The following CFAP299 variants were observed in gnomAD, a reference collection of about 807,000 sequenced individuals.
The protein encoded by CFAP299 is cilia- and flagella-associated protein 299.
In CFAP299, 21 loss-of-function variants were observed where a neutral mutation model predicts 27.0. That is an observed-to-expected ratio of 0.78 (90% CI 0.55 to 1.12). The LOEUF (loss-of-function observed/expected upper bound fraction) is 1.12. Among genes scored for constraint, CFAP299 ranks in the 50% most tolerant of loss-of-function variants. CFAP299 has a pLI of 0.00. For missense variants in CFAP299, 310 were observed against 276.6 expected (o/e 1.12, Z -0.86); for synonymous variants, 104 against 98.1 (o/e 1.06, Z -0.36).
intron 2 of CFAP299, among the ~76,000 whole-genome samples, chr4:80,437,983 A>G (rs1578442412): frequency 6.6e-6 from 1 of 152,110 alleles, no homozygotes; most frequent in Non-Finnish European, 1.5e-5. Flanking sequence ...AGCATTTAGT[A>G]TGTCTTAGGC....
At chr4:80,908,458 A>T (rs1578230548) in intron 4 of CFAP299, among the ~76,000 whole-genome samples, 1 of 152,218 alleles carries the variant, frequency 6.6e-6, no homozygotes, top group East Asian at 1.9e-4. Flanking sequence ...TGACATTCCT[A>T]CCTCCTTAAG....
intron 2 of CFAP299, among the ~76,000 whole-genome samples, chr4:80,429,731 C>T (rs1727714103): frequency 6.6e-6 from 1 of 151,994 alleles, no homozygotes; most frequent in Non-Finnish European, 1.5e-5. Context: ...GTAATCATAA[C>T]TATGATTCTA....
At chr4:80,454,420 G>A (rs1729050390) in intron 2 of CFAP299, among the ~76,000 whole-genome samples, 1 of 152,172 alleles carries the variant, frequency 6.6e-6, no homozygotes, top group Non-Finnish European at 1.5e-5. Context: ...GATTGAACAT[G>A]GACAGCTGGT....
chr4:80,842,366 A>C (rs924044522), intron 3 of CFAP299, among the ~76,000 whole-genome samples: 1 of 152,110 alleles, frequency 6.6e-6, no homozygotes, highest in Non-Finnish European at 1.5e-5. Flanking sequence ...GGAGAATGGC[A>C]CTAGAGAACA....
rs527277308 is a variant in CFAP299 at position 80,700,657 on chromosome 4, G to A, written c.333+117474G>A. Among the ~76,000 whole-genome samples the A allele has an allele frequency of 3.3e-5, 5 of 152,106 alleles. No homozygotes were observed. In the South Asian group the frequency reaches 1.0e-3, roughly 32 times the overall value. On this transcript the variant is annotated intron_variant, in intron 3 of 5. Transcript: ENST00000358105. ...TACTAAGTAGAAACCAGTGCATTCAGGAATACATGAAGTGAGACTATGGGG... is the reference window on the plus strand; with the variant it reads ...TACTAAGTAGAAACCAGTGCATTCAAGAATACATGAAGTGAGACTATGGGG...
intron 3 of CFAP299, among the ~76,000 whole-genome samples, chr4:80,658,765 A>T (rs1740687985): frequency 6.6e-6 from 1 of 152,142 alleles, no homozygotes; most frequent in Non-Finnish European, 1.5e-5. Context: ...AAAGACCTTG[A>T]AACTGTAGCA....
intron 3 of CFAP299, among the ~76,000 whole-genome samples, chr4:80,719,979 C>G (rs1429350243): frequency 6.6e-6 from 1 of 152,090 alleles, no homozygotes; most frequent in Non-Finnish European, 1.5e-5. Context: ...AGATGGGAAA[C>G]AAATAATATA....
intron 3 of CFAP299, among the ~76,000 whole-genome samples, chr4:80,706,274 A>T (rs1036712756): frequency 6.6e-6 from 1 of 151,662 alleles, no homozygotes; most frequent in Non-Finnish European, 1.5e-5. Flanking sequence ...TACCCTAAAC[A>T]TCGAAAGTTT....
chr4:80,774,597 T>C (rs968581000), intron 3 of CFAP299, among the ~76,000 whole-genome samples: 1 of 151,984 alleles, frequency 6.6e-6, no homozygotes, highest in African/African-American at 2.4e-5. Flanking sequence ...CTTTAATTAA[T>C]ATGTACATTG....
chr4:80,437,048 G>T (rs1230165199), intron 2 of CFAP299, among the ~76,000 whole-genome samples: 1 of 152,096 alleles, frequency 6.6e-6, no homozygotes, highest in African/African-American at 2.4e-5. Flanking sequence ...TTTCTGCTGG[G>T]ACATAGGGCT....
intron 2 of CFAP299, among the ~76,000 whole-genome samples, chr4:80,521,095 G>A (rs1732886611): frequency 6.6e-6 from 1 of 152,066 alleles, no homozygotes; most frequent in Admixed American, 6.6e-5. Flanking sequence ...GAAAATTCTG[G>A]GATCACCTGA....
At chr4:80,348,103 A>G (rs986794391) in intron 1 of CFAP299, among the ~76,000 whole-genome samples, 1 of 152,184 alleles carries the variant, frequency 6.6e-6, no homozygotes, top group Non-Finnish European at 1.5e-5. Context: ...ATGCAGAAAA[A>G]TTGAAACTGG....
intron 3 of CFAP299, among the ~76,000 whole-genome samples, chr4:80,699,942 A>T (rs1235293463): frequency 6.6e-6 from 1 of 152,170 alleles, no homozygotes; most frequent in Non-Finnish European, 1.5e-5. Context: ...CTCCTTTTGG[A>T]AGGGTTATGG....
At chr4:80,619,789 A>G (rs562618257) in intron 3 of CFAP299, among the ~76,000 whole-genome samples, 4 of 152,224 alleles carry the variant, frequency 2.6e-5, no homozygotes, top group Non-Finnish European at 5.9e-5. Flanking sequence ...ATTAATAGAC[A>G]TATAATATAT....
At chr4:80,805,248 A>C (rs1318950905) in intron 3 of CFAP299, among the ~76,000 whole-genome samples, 1 of 152,070 alleles carries the variant, frequency 6.6e-6, no homozygotes, top group Non-Finnish European at 1.5e-5. Context: ...ATATTGAGAG[A>C]GATAAAAGTC....
intron 3 of CFAP299, among the ~76,000 whole-genome samples, chr4:80,599,852 A>G (rs1737240754): frequency 6.6e-6 from 1 of 152,154 alleles, no homozygotes; most frequent in South Asian, 2.1e-4. Context: ...CGACCAAATC[A>G]TAATATGGGC....
the CFAP299 span, among the ~76,000 whole-genome samples, chr4:80,329,508 T>C: frequency 2.6e-5 from 4 of 152,162 alleles, no homozygotes; most frequent in African/African-American, 7.2e-5. Flanking sequence ...TAAGTTTTAC[T>C]TTTGTTTCAA....
intron 3 of CFAP299, among the ~76,000 whole-genome samples, chr4:80,696,814 T>C (rs1311759099): frequency 6.6e-6 from 1 of 152,134 alleles, no homozygotes; most frequent in Non-Finnish European, 1.5e-5. Context: ...GTCTAAAGAA[T>C]ACTAAGTCCA....
At position 80,963,412 on chromosome 4, in the gene CFAP299, C is replaced by A. The variant is rs901272529; in HGVS notation, c.607-105C>A. On this transcript the variant is annotated intron_variant, in intron 5 of 5. Transcript: ENST00000358105. Reference sequence around the variant, plus strand: ...ATATATCTCCGTGGAAACAAACTTGCTAGTTTTTTTTTCTGCAATATAAAG... The same window carrying A: ...ATATATCTCCGTGGAAACAAACTTGATAGTTTTTTTTTCTGCAATATAAAG... The A allele has an allele frequency of 1.2e-5, 8 of 672,526 alleles. No individual in the cohort carries two copies. In the East Asian group the frequency reaches 2.3e-4, roughly 20 times the overall value. 41.7% of individuals were successfully genotyped at this position (672,526 alleles called of 1,614,324 possible).
Sources: allele counts gnomAD v4.1 joint callset (sites outside exome capture counted in the v4.1 genomes callset), GRCh38; gene constraint gnomAD v4.1.1; transcripts MANE v1.5; gene names NCBI Gene and HGNC (gene_info 2026-07-23, HGNC 2026-07-21).